Variants in HNRNPD observed in about 807,000 individuals in gnomAD.
HNRNPD encodes heterogeneous nuclear ribonucleoprotein D0.
Under a neutral mutation model 47.9 loss-of-function variants are expected in HNRNPD, and 3 were observed. That is an observed-to-expected ratio of 0.06 (90% confidence interval 0.03 to 0.16). HNRNPD has a LOEUF of 0.16. Among genes scored for constraint, HNRNPD ranks in the 10% least tolerant of loss-of-function variants. The pLI, the probability that HNRNPD is intolerant of heterozygous loss-of-function variation, is 1.00. For synonymous variants in HNRNPD, 171 were observed against 165.1 expected (o/e 1.04, Z -0.28); for missense variants, 287 against 454.2 (o/e 0.63, Z 3.35).
rs550813686 is a variant in HNRNPD at position 82,370,505 on chromosome 4, T to C, written c.290+1023A>G. On this transcript the variant is annotated intron_variant, in intron 2 of 8. Transcript: ENST00000313899. ...ACTCACCAAATACAGGGAATAACAT[T>C]CATCGAAACTGTGACCCCAGTCTTT... Among the ~76,000 whole-genome samples the C allele has an allele frequency of 2.0e-5, 3 of 150,740 alleles. No individual in the cohort carries two copies. In the South Asian group the frequency reaches 6.3e-4, roughly 32 times the overall value.
At chr4:82,357,235 C>A in intron 5 of HNRNPD, 78 bp downstream of exon 5, 1 of 1,448,724 alleles carries the variant, frequency 6.9e-7, no homozygotes, top group South Asian at 1.4e-5. Context: ...AGAACTTAAG[C>A]CTTTACAGAG....
intron 2 of HNRNPD, among the ~76,000 whole-genome samples, chr4:82,362,271 G>C (rs1204671871): frequency 6.6e-6 from 1 of 152,146 alleles, no homozygotes; most frequent in Non-Finnish European, 1.5e-5. Flanking sequence ...ATCACCAGTT[G>C]CTGTTCTAAA....
intron 2 of HNRNPD, among the ~76,000 whole-genome samples, chr4:82,369,668 C>T (rs1207747643): frequency 6.9e-6 from 1 of 145,636 alleles, no homozygotes; most frequent in African/African-American, 2.5e-5. Flanking sequence ...GGGACAGATA[C>T]GGTGGGGAGT....
intron 2 of HNRNPD, among the ~76,000 whole-genome samples, chr4:82,365,217 G>C (rs1443825570): frequency 6.6e-6 from 1 of 152,038 alleles, no homozygotes; most frequent in South Asian, 2.1e-4. Context: ...AACAACTTAT[G>C]ATCTTACATA....
rs773955053 is a variant in HNRNPD at position 82,358,644 on chromosome 4, A to G, written c.621+15T>C. ...TAATTTTGACATAAACTGGGTCAAA[A>G]CATTTATAACATACCTCACCAAAAC... On this transcript the variant is annotated intron_variant, in intron 4 of 8. Transcript: ENST00000313899. 3 of 1,593,680 alleles carry G rather than the reference A, an allele frequency of 1.9e-6. No individual in the cohort carries two copies. The African/African-American group carries it at 4.1e-5, about 22-fold the overall frequency.
At chr4:82,371,256 G>C (rs2110004343) in intron 2 of HNRNPD, among the ~76,000 whole-genome samples, 1 of 152,060 alleles carries the variant, frequency 6.6e-6, no homozygotes, top group Non-Finnish European at 1.5e-5. Context: ...TTTCTTGCTC[G>C]ATATAAAAAT....
chr4:82,373,318 C>T, intron 1 of HNRNPD, 128 bp downstream of exon 1: 2 of 1,239,844 alleles, frequency 1.6e-6, no homozygotes, highest in South Asian at 3.0e-5. Flanking sequence ...AAAGGGAGAC[C>T]AGTGCAAGGA....
rs1720252541 is a variant in HNRNPD at position 82,373,619 on chromosome 4, G to C, written c.60C>G (p.Gly20=). 8.5e-6 allele frequency: 13 copies of C among 1,525,590 alleles called. No homozygotes were observed. Among genetic ancestry groups the C allele is most frequent in the South Asian group, 2.4e-5 (2 of 83,328 alleles). 94.5% of individuals were successfully genotyped at this position (1,525,590 alleles called of 1,614,324 possible). The part of the protein sequence containing the change: ...GAAAAATAAV[G]GSAGEQEGAM... ...CTCCCTCCTGCTCGCCCGCCGAGCC[G>C]CCTACCGCCGCCGTTGCCGCTGCCG... Residue 20 remains glycine, a synonymous_variant, in exon 1 of 9, where the codon GGC becomes GGG. Transcript: ENST00000313899.
At chr4:82,358,966 G>C in intron 3 of HNRNPD, 146 bp from the exon 4 acceptor site, 1 of 638,898 alleles carries the variant, frequency 1.6e-6, no homozygotes, top group Non-Finnish European at 2.7e-6. Flanking sequence ...TCATGGTGGT[G>C]ATGTAACATC....
chr4:82,360,672 G>C (rs1167483009), intron 2 of HNRNPD, among the ~76,000 whole-genome samples: 1 of 152,076 alleles, frequency 6.6e-6, no homozygotes, highest in Admixed American at 6.5e-5. Flanking sequence ...GTCATGGGTG[G>C]GGACTGGGAT....
chr4:82,365,460 G>C (rs544601400), intron 2 of HNRNPD, among the ~76,000 whole-genome samples: 2 of 152,106 alleles, frequency 1.3e-5, no homozygotes, highest in East Asian at 3.9e-4. Flanking sequence ...CTAAGGGGAA[G>C]GGAGGAGGTT....
intron 2 of HNRNPD, among the ~76,000 whole-genome samples, chr4:82,370,299 G>A (rs1402021484): frequency 6.6e-6 from 1 of 152,208 alleles, no homozygotes; most frequent in Non-Finnish European, 1.5e-5. Context: ...AGCAGGTCAA[G>A]TGTAATTACT....
At chr4:82,360,652 C>T (rs1407991702) in intron 2 of HNRNPD, among the ~76,000 whole-genome samples, 1 of 151,972 alleles carries the variant, frequency 6.6e-6, no homozygotes, top group Non-Finnish European at 1.5e-5. Context: ...TTCTTTTTAA[C>T]TGGGGAAGGG....
chr4:82,359,385 AC>A, intron 3 of HNRNPD, 85 bp downstream of exon 3: 5 of 954,856 alleles, frequency 5.2e-6, no homozygotes, highest in Non-Finnish European at 7.2e-6. Context: ...AAAATGGGGA[AC>A]CACAAATAGG....
intron 2 of HNRNPD, 75 bp from the exon 3 acceptor site, chr4:82,359,714 T>C: frequency 1.1e-6 from 1 of 905,792 alleles, no homozygotes; most frequent in African/African-American, 1.7e-5. Context: ...ATAACACACC[T>C]TTTCCAAACT....
At chr4:82,357,260 A>T in intron 5 of HNRNPD, 53 bp downstream of exon 5, 1 of 1,525,426 alleles carries the variant, frequency 6.6e-7, no homozygotes, top group Non-Finnish European at 8.9e-7. Flanking sequence ...ATAAATGGTT[A>T]AGCTCTTTAC....
intron 2 of HNRNPD, among the ~76,000 whole-genome samples, chr4:82,369,359 A>G (rs1411474133): frequency 2.0e-5 from 3 of 152,226 alleles, no homozygotes; most frequent in South Asian, 2.1e-4. Flanking sequence ...TACTTATTCT[A>G]AAGTCCCATA....
rs535525213 is a variant in HNRNPD at position 82,362,295 on chromosome 4, G to A, written c.291-2656C>T. Among the ~76,000 whole-genome samples, 166 of 152,188 alleles carry A rather than the reference G, an allele frequency of 1.1e-3. 1 individual carries two copies. The highest frequency in any genetic ancestry group is 3.6e-3 in the African/African-American group (150 of 41,512). ...TGCTGTTCTAAAAAGTCTCCCTTCC[G>A]TTTTGCAGAGTAAGTAGCCAGCTGT... On this transcript the variant is annotated intron_variant, in intron 2 of 8. Transcript: ENST00000313899.
chr4:82,373,045 T>G, intron 1 of HNRNPD: 1 of 445,798 alleles, frequency 2.2e-6, no homozygotes, highest in African/African-American at 2.0e-5. Context: ...AGAAGCTGTT[T>G]GTGTCTGTGT....
Sources: allele counts gnomAD v4.1 joint callset (sites outside exome capture counted in the v4.1 genomes callset), GRCh38; gene constraint gnomAD v4.1.1; transcripts MANE v1.5; gene names NCBI Gene and HGNC (gene_info 2026-07-23, HGNC 2026-07-21).